Variants in SPPL3 observed in about 807,000 individuals in gnomAD.
SPPL3 encodes the protein signal peptide peptidase-like 3.
In SPPL3, 5 loss-of-function variants were observed where a neutral mutation model predicts 42.4. The observed-to-expected ratio is 0.12, with a 90% CI of 0.06 to 0.25. SPPL3 has a LOEUF of 0.25. SPPL3 is among the 10% of genes least tolerant of loss of function. SPPL3 has a pLI of 1.00. For synonymous variants in SPPL3, 195 were observed against 181.8 expected (o/e 1.07, Z -0.58); for missense variants, 235 against 489.0 (o/e 0.48, Z 4.90).
intron 1 of SPPL3, among the ~76,000 whole-genome samples, chr12:120,819,354 C>T (rs1315434006): frequency 3.9e-5 from 6 of 152,068 alleles, no homozygotes; most frequent in South Asian, 2.1e-4. Flanking sequence ...TGAGTTATGC[C>T]GCTCTTCCAG....
At chr12:120,898,612 T>C (rs780152931) in intron 1 of SPPL3, among the ~76,000 whole-genome samples, 5 of 152,024 alleles carry the variant, frequency 3.3e-5, no homozygotes, top group African/African-American at 4.8e-5. Flanking sequence ...AGGTAGATAA[T>C]GGAAGAAACC....
rs1304722825 is a variant in SPPL3 at position 120,874,030 on chromosome 12, C to A, written c.23+29815G>T. Among the ~76,000 whole-genome samples the A allele has an allele frequency of 2.0e-5, 3 of 151,854 alleles. 1 individual carries two copies. Among genetic ancestry groups the A allele is most frequent in the African/African-American group, 4.8e-5 (2 of 41,334 alleles). ...AAATATGGAGACAAAATACTTTAGACCAATAAAAGCTGAGATAATTCATTA... is the reference window on the plus strand; with the variant it reads ...AAATATGGAGACAAAATACTTTAGAACAATAAAAGCTGAGATAATTCATTA... On this transcript the variant is annotated intron_variant, in intron 1 of 10. Transcript: ENST00000353487.
At chr12:120,883,966 T>C (rs372835446) in intron 1 of SPPL3, among the ~76,000 whole-genome samples, 2 of 152,000 alleles carry the variant, frequency 1.3e-5, no homozygotes, top group African/African-American at 2.4e-5. Flanking sequence ...CCGGGCGTGG[T>C]GGCGCATGCC....
In SPPL3 at chr12:120,860,875, C is replaced by T. The variant is rs1244602853; in HGVS notation, c.23+42970G>A. 2.6e-5 allele frequency among the ~76,000 whole-genome samples: 4 copies of T among 152,090 alleles called. No homozygotes were observed. In the East Asian group the frequency reaches 7.7e-4, roughly 29 times the overall value. ...GGGGGACTGGTTCCAGGACAACCCCCTACTCCCCTTCTAGATACTAAAATC... is the reference window on the plus strand; with the variant it reads ...GGGGGACTGGTTCCAGGACAACCCCTTACTCCCCTTCTAGATACTAAAATC... On this transcript the variant is annotated intron_variant, in intron 1 of 10. Transcript: ENST00000353487.
chr12:120,778,885 G>GA (rs1359687367), intron 6 of SPPL3, among the ~76,000 whole-genome samples: 10 of 151,622 alleles, frequency 6.6e-5, no homozygotes, highest in African/African-American at 2.4e-4. Flanking sequence ...TCTGGATCCA[G>GA]AAAAAAAATA....
At chr12:120,867,526 G>A (rs1872790582) in intron 1 of SPPL3, among the ~76,000 whole-genome samples, 1 of 152,000 alleles carries the variant, frequency 6.6e-6, no homozygotes, top group Non-Finnish European at 1.5e-5. Context: ...CTAGCTGGGT[G>A]TGATGGTACG....
At chr12:120,887,657 T>C (rs1436344810) in intron 1 of SPPL3, among the ~76,000 whole-genome samples, 1 of 152,270 alleles carries the variant, frequency 6.6e-6, no homozygotes, top group East Asian at 1.9e-4. Context: ...ACTAAATTTT[T>C]GTTCTTGACA....
rs1868786772 is a variant in SPPL3 at position 120,764,205 on chromosome 12, A to C, written c.*794T>G. On this transcript the variant is annotated 3_prime_UTR_variant, in exon 11 of 11. Coordinates refer to ENST00000353487, the MANE Select transcript of SPPL3 (RefSeq NM_139015.5). ...ACAGCAGCTTATCCATATACAAGGA[A>C]GCCACAGTAAACTGCTCGACATGCT... 6.6e-6 allele frequency: 1 copy of C among 152,390 alleles called. No individual in the cohort carries two copies. Among genetic ancestry groups the C allele is most frequent in the Non-Finnish European group, 1.5e-5 (1 of 68,046 alleles). 9.4% of individuals were successfully genotyped at this position (152,390 alleles called of 1,614,324 possible).
intron 1 of SPPL3, among the ~76,000 whole-genome samples, chr12:120,855,671 G>T (rs1197910640): frequency 6.6e-6 from 1 of 150,880 alleles, no homozygotes; most frequent in Non-Finnish European, 1.5e-5. Context: ...CTCCAGCCTG[G>T]GCAGCTGAGC....
intron 2 of SPPL3, among the ~76,000 whole-genome samples, chr12:120,809,417 C>T (rs1383456084): frequency 6.6e-6 from 1 of 152,042 alleles, no homozygotes; most frequent in African/African-American, 2.4e-5. Context: ...ACTTGTTCTA[C>T]TCAGTATTGA....
At chr12:120,803,963 C>G (rs1261786214) in intron 2 of SPPL3, among the ~76,000 whole-genome samples, 1 of 152,126 alleles carries the variant, frequency 6.6e-6, no homozygotes, top group African/African-American at 2.4e-5. Flanking sequence ...TCTGGTGAAC[C>G]ATGGTCTAAC....
chr12:120,878,534 C>T (rs1230625759), intron 1 of SPPL3, among the ~76,000 whole-genome samples: 1 of 152,086 alleles, frequency 6.6e-6, no homozygotes, highest in African/African-American at 2.4e-5. Flanking sequence ...ATTTGCTGAC[C>T]ATCTCTGACA....
intron 2 of SPPL3, among the ~76,000 whole-genome samples, chr12:120,808,086 C>CTTTT (rs63135760): frequency 2.3e-5 from 3 of 132,808 alleles, no homozygotes; most frequent in African/African-American, 8.6e-5. Context: ...AGTTTCTTTT[C>CTTTT]TTTTTTTTTT....
chr12:120,787,183 G>A (rs1481770607), intron 3 of SPPL3, among the ~76,000 whole-genome samples: 3 of 152,170 alleles, frequency 2.0e-5, no homozygotes, highest in Middle Eastern at 3.2e-3. Context: ...TTAAAAGAAA[G>A]TCATTTCCAG....
intron 1 of SPPL3, among the ~76,000 whole-genome samples, chr12:120,853,472 A>G (rs1305349389): frequency 6.6e-6 from 1 of 152,350 alleles, no homozygotes; most frequent in Non-Finnish European, 1.5e-5. Flanking sequence ...AAAAATGTAC[A>G]CAATAGTAGC....
At chr12:120,830,572 G>A (rs1436441195) in intron 1 of SPPL3, among the ~76,000 whole-genome samples, 187 of 6,868 alleles carry the variant, frequency 0.027, 40 homozygotes, top group Admixed American at 0.064. Flanking sequence ...GGTGGGGGAG[G>A]GGGGGAAGGA....
At chr12:120,802,959 G>A (rs1314185764) in intron 2 of SPPL3, among the ~76,000 whole-genome samples, 3 of 152,156 alleles carry the variant, frequency 2.0e-5, no homozygotes, top group Non-Finnish European at 4.4e-5. Context: ...TATATTGAAG[G>A]TACTACAATT....
At chr12:120,809,732 C>G (rs946892868) in intron 2 of SPPL3, among the ~76,000 whole-genome samples, 3 of 152,098 alleles carry the variant, frequency 2.0e-5, no homozygotes, top group Non-Finnish European at 2.9e-5. Flanking sequence ...TCAGCAGGAT[C>G]TAGTCTCAGC....
At chr12:120,831,741 T>G (rs1050707516) in intron 1 of SPPL3, among the ~76,000 whole-genome samples, 1 of 152,208 alleles carries the variant, frequency 6.6e-6, no homozygotes, top group Non-Finnish European at 1.5e-5. Flanking sequence ...TTATCCTTTT[T>G]GCAGAGGCTC....
Sources: allele counts gnomAD v4.1 joint callset (sites outside exome capture counted in the v4.1 genomes callset), GRCh38; gene constraint gnomAD v4.1.1; transcripts MANE v1.5; gene names NCBI Gene and HGNC (gene_info 2026-07-23, HGNC 2026-07-21).